CDON: variants seen among roughly 807,000 people sequenced by gnomAD.
CDON encodes the protein cell adhesion molecule-related/down-regulated by oncogenes.
A neutral mutation model predicts 120.9 loss-of-function variants in CDON; 73 were observed. The observed-to-expected ratio is 0.60, with a 90% confidence interval of 0.50 to 0.73. The LOEUF (loss-of-function observed/expected upper bound fraction) is 0.73, where lower values mean the gene tolerates loss of function less well. CDON is among the 30% of genes least tolerant of loss of function. The pLI is 0.00. For missense variants in CDON, 1,470 were observed against 1,587.3 expected (o/e 0.93, Z 1.26); for synonymous variants, 566 against 573.5 (o/e 0.99, Z 0.19).
Position 126,023,433 on chromosome 11 carries a change from G to A in CDON, c.44C>T (p.Thr15Ile), listed in dbSNP as rs749799548. 1.5e-5 allele frequency: 24 copies of A among 1,613,230 alleles called. No individual in the cohort carries two copies. Among genetic ancestry groups the A allele is most frequent in the East Asian group, 2.2e-5 (1 of 44,878 alleles). The part of the protein sequence containing the change: ...LGPLCTLLYV[T>I]LTILCSSVSS... The stretch of plus-strand genomic sequence containing the variant: ...CACAGAAGAGCACAGAATTGTAAGA[G>A]TAACATACAGCAGTGTACATAAGGG... The change falls in exon 2 of 20, where the codon ACT becomes ATT. Residue 15 changes from threonine to isoleucine, a missense_variant. Physicochemically the swap from Thr to Ile is moderately conservative, Grantham distance 89. Coordinates refer to ENST00000531738, the MANE Select transcript of CDON (RefSeq NM_001378964.1).
chr11:126,053,321 A>G (rs1948610859), intron 1 of CDON, among the ~76,000 whole-genome samples: 1 of 152,188 alleles, frequency 6.6e-6, no homozygotes, highest in Non-Finnish European at 1.5e-5. Context: ...AGAACTATAA[A>G]AATACCTCCT....
Position 126,015,380 on chromosome 11 carries a change from A to G in CDON, c.1059T>C (p.His353=), listed in dbSNP as rs745605147. The change falls in exon 7 of 20, where the codon CAT becomes CAC. Residue 353 remains histidine (H), a synonymous_variant. Transcript: ENST00000531738. ...CTGCAGTTAGATGTCGTGCAGAAGG[A>G]TGAATAGGCTGTGCATTGTGAAACC... ...CTWFHNAQPI[H]PSARHLTAGN... The G allele has an allele frequency of 6.2e-7, 1 of 1,614,180 alleles. No homozygotes were observed. The highest frequency in any genetic ancestry group is 8.5e-7 in the Non-Finnish European group (1 of 1,180,028).
At chr11:126,018,849 C>T (rs1247194970) in intron 4 of CDON, among the ~76,000 whole-genome samples, 4 of 152,118 alleles carry the variant, frequency 2.6e-5, no homozygotes, top group African/African-American at 9.7e-5. Context: ...GGATTATAGG[C>T]GTGAGCCACC....
intron 14 of CDON, 69 bp downstream of exon 14, chr11:125,994,215 A>T: frequency 1.2e-6 from 1 of 832,382 alleles, no homozygotes; most frequent in Non-Finnish European, 2.1e-6. Context: ...GGGATGATGC[A>T]TTTTATATTC....
At chr11:126,037,296 C>T (rs766218137) in intron 1 of CDON, among the ~76,000 whole-genome samples, 21 of 151,966 alleles carry the variant, frequency 1.4e-4, no homozygotes, top group Admixed American at 6.6e-4. Context: ...AGATGGGTTT[C>T]ACCACGTTGG....
chr11:126,033,000 C>T (rs972513411), intron 1 of CDON, among the ~76,000 whole-genome samples: 2 of 152,106 alleles, frequency 1.3e-5, no homozygotes, highest in African/African-American at 2.4e-5. Context: ...CAGAGTGAGG[C>T]CCTGTGATCA....
At chr11:125,983,838 G>T in intron 16 of CDON, 34 bp downstream of exon 16, 1 of 1,486,356 alleles carries the variant, frequency 6.7e-7, no homozygotes, top group Non-Finnish European at 9.4e-7. Flanking sequence ...CCCACCTTTA[G>T]AAAAAGAGAA....
rs532303571 is a variant in CDON, at chr11:126,031,253, G to C, written c.-61-7716C>G. On this transcript the variant is annotated intron_variant, in intron 1 of 19. Coordinates refer to ENST00000531738, the MANE Select transcript of CDON (RefSeq NM_001378964.1). ...CACATGAGGCTTACAACCAGGTGAG[G>C]ACATGTGACAAGTAAGGAAGCAATT... 3.3e-5 allele frequency among the ~76,000 whole-genome samples: 5 copies of C among 152,342 alleles called. No individual in the cohort carries two copies. In the South Asian group the frequency reaches 1.0e-3, roughly 32 times the overall value.
intron 10 of CDON, 105 bp downstream of exon 10, chr11:126,003,797 G>A (rs941999754): frequency 2.0e-5 from 22 of 1,074,066 alleles, no homozygotes; most frequent in Non-Finnish European, 2.8e-5. Flanking sequence ...TCCAGCCTGC[G>A]TGACAGAGCA....
intron 1 of CDON, among the ~76,000 whole-genome samples, chr11:126,060,080 A>G (rs545624666): frequency 1.3e-5 from 2 of 152,346 alleles, no homozygotes; most frequent in South Asian, 4.1e-4. Flanking sequence ...AAAGTGAGTT[A>G]GTGCCAAATA....
chr11:126,011,003 A>C (rs1947288097), intron 7 of CDON: 2 of 447,990 alleles, frequency 4.5e-6, no homozygotes, highest in Admixed American at 5.3e-5. Flanking sequence ...CTGCAAATAT[A>C]GAACATATAA....
intron 1 of CDON, among the ~76,000 whole-genome samples, chr11:126,045,387 T>C (rs958049201): frequency 5.9e-5 from 9 of 152,106 alleles, no homozygotes; most frequent in Non-Finnish European, 7.4e-5. Context: ...GAAAAAATAA[T>C]GGTAATCATG....
chr11:126,035,776 T>G (rs1948077029), intron 1 of CDON, among the ~76,000 whole-genome samples: 2 of 152,120 alleles, frequency 1.3e-5, no homozygotes, highest in South Asian at 4.1e-4. Flanking sequence ...AATGCCCTGA[T>G]GAAACTAGAA....
chr11:126,036,873 G>A (rs1272144506), intron 1 of CDON, among the ~76,000 whole-genome samples: 1 of 152,140 alleles, frequency 6.6e-6, no homozygotes, highest in Admixed American at 6.6e-5. Context: ...ACTTTTTGTA[G>A]AGACAGGGTC....
chr11:126,015,092 G>C, intron 7 of CDON, 149 bp downstream of exon 7: 1 of 758,744 alleles, frequency 1.3e-6, no homozygotes, highest in Non-Finnish European at 2.2e-6. Context: ...ATGCCTACCT[G>C]TCACTAGCCA....
At chr11:126,015,033 A>G in intron 7 of CDON, 1 of 595,446 alleles carries the variant, frequency 1.7e-6, no homozygotes, top group East Asian at 2.9e-5. Flanking sequence ...AAAATTTTTT[A>G]AAAACTTTTT....
chr11:126,003,278 G>A (rs145446998), intron 10 of CDON, among the ~76,000 whole-genome samples: 2 of 152,244 alleles, frequency 1.3e-5, no homozygotes, highest in East Asian at 3.9e-4. Flanking sequence ...TCTTGTAGTT[G>A]GTATTAAGTT....
At chr11:126,055,570 A>C (rs1948661394) in intron 1 of CDON, among the ~76,000 whole-genome samples, 1 of 152,200 alleles carries the variant, frequency 6.6e-6, no homozygotes, top group Non-Finnish European at 1.5e-5. Context: ...ATACTTGGAC[A>C]CGTCTCTGAT....
At chr11:125,988,069 C>T (rs1025886891) in intron 15 of CDON, among the ~76,000 whole-genome samples, 4 of 152,194 alleles carry the variant, frequency 2.6e-5, no homozygotes, top group African/African-American at 9.7e-5. Context: ...GCTCACTCAA[C>T]AGCCTTCTTT....
Sources: gnomAD v4.1 joint callset for allele counts (sites outside exome capture counted in the v4.1 genomes callset) on GRCh38, gnomAD v4.1.1 for gene constraint, MANE v1.5 for transcripts, NCBI Gene and HGNC (gene_info 2026-07-23, HGNC 2026-07-21) for gene names.